The following TBL1XR1 variants were observed in gnomAD, a reference collection of about 807,000 sequenced individuals.
The protein encoded by TBL1XR1 is F-box-like/WD repeat-containing protein TBL1XR1.
Under a neutral mutation model 66.9 loss-of-function variants are expected in TBL1XR1, and 5 were observed. That is an observed-to-expected ratio of 0.07 (90% CI 0.04 to 0.16). The LOEUF (loss-of-function observed/expected upper bound fraction) is 0.16. TBL1XR1 is among the 10% of genes least tolerant of loss of function. The pLI is 1.00. For missense variants in TBL1XR1, 238 were observed against 623.2 expected (o/e 0.38, Z 6.58); for synonymous variants, 210 against 206.0 (o/e 1.02, Z -0.17).
In TBL1XR1 at chr3:177,022,011, G is replaced by C. The variant is rs1462623978; in HGVS notation, c.*3487C>G. ...TAGCAAAAATGCACAGTCCTCTTTAGGCCTCTACTCAATAATAGTTTACAT... is the reference window on the plus strand; with the variant it reads ...TAGCAAAAATGCACAGTCCTCTTTACGCCTCTACTCAATAATAGTTTACAT... On this transcript the variant is annotated 3_prime_UTR_variant, in exon 16 of 16. Coordinates refer to ENST00000457928, the MANE Select transcript of TBL1XR1 (RefSeq NM_024665.7). 2 of 152,362 alleles carry C rather than the reference G, an allele frequency of 1.3e-5. No homozygotes were observed. Among genetic ancestry groups the C allele is most frequent in the African/African-American group, 4.8e-5 (2 of 41,370 alleles). The allele number at this position is 152,362 out of a possible 1,614,324, so 9.4% of individuals were successfully genotyped here. A position where few individuals can be genotyped will look rare whatever the true frequency, so the allele number is the denominator to read the frequency against.
Position 177,022,591 on chromosome 3 carries a change from TATG to T in TBL1XR1, c.*2904_*2906del, listed in dbSNP as rs1712526625. 1 of 152,552 alleles carries T rather than the reference TATG, an allele frequency of 6.6e-6. No individual in the cohort carries two copies. Among genetic ancestry groups the T allele is most frequent in the African/African-American group, 2.4e-5 (1 of 41,438 alleles). 9.4% of individuals were successfully genotyped at this position (152,552 alleles called of 1,614,324 possible). On this transcript the variant is annotated 3_prime_UTR_variant, in exon 16 of 16. Transcript: ENST00000457928. The stretch of plus-strand genomic sequence containing the variant: ...TCAAGTTTTCCTTTCTATTTTTCCT[TATG>T]ATAAGTTTCTTACAGTAGCTTATAC...
chr3:177,125,960 G>T (rs1218391444), intron 1 of TBL1XR1: 1 of 152,126 alleles, frequency 6.6e-6, no homozygotes, highest in African/African-American at 2.4e-5. Flanking sequence ...TACACAGTAG[G>T]TGTATATATT....
At chr3:177,100,612 A>C (rs1724083684) in intron 1 of TBL1XR1, among the ~76,000 whole-genome samples, 1 of 151,968 alleles carries the variant, frequency 6.6e-6, no homozygotes, top group Non-Finnish European at 1.5e-5. Flanking sequence ...TTTAGTAGAG[A>C]CGGGGTTTCA....
chr3:177,071,826 T>A (rs1302392049), intron 2 of TBL1XR1, among the ~76,000 whole-genome samples: 1 of 152,182 alleles, frequency 6.6e-6, no homozygotes, highest in African/African-American at 2.4e-5. Context: ...TTCCAACTTT[T>A]ATTGAAAACT....
chr3:177,171,463 A>C (rs1733485011), intron 1 of TBL1XR1: 1 of 152,202 alleles, frequency 6.6e-6, no homozygotes, highest in Non-Finnish European at 1.5e-5. Context: ...TGGGAGGCCG[A>C]GGCAGGTGGA....
rs138878631 is a variant in TBL1XR1 at position 177,144,153 on chromosome 3, G to A, written c.-121-45612C>T. Among the ~76,000 whole-genome samples the A allele has an allele frequency of 6.9e-3, 1,056 of 152,154 alleles. 15 individuals carry two copies. The highest frequency in any genetic ancestry group is 0.024 in the African/African-American group (1,002 of 41,518). ...CCAGCTACTCAGGAGGCTGGGGCAC[G>A]AAAATCGCTTGAACCCCGGGAGGCG... On this transcript the variant is annotated intron_variant, in intron 1 of 15. Transcript: ENST00000457928.
chr3:177,032,214 T>C (rs1714102231), intron 14 of TBL1XR1: 1 of 152,234 alleles, frequency 6.6e-6, no homozygotes, highest in African/African-American at 2.4e-5. Context: ...GAACAAAGTT[T>C]CTCAGTGTAT....
At chr3:177,181,114 G>T (rs1371674527) in intron 1 of TBL1XR1, among the ~76,000 whole-genome samples, 2 of 152,124 alleles carry the variant, frequency 1.3e-5, no homozygotes, top group African/African-American at 4.8e-5. Flanking sequence ...ACAACTCGGT[G>T]TTGCCATCAC....
At chr3:177,193,843 T>C (rs1410115765) in intron 1 of TBL1XR1, among the ~76,000 whole-genome samples, 2 of 152,240 alleles carry the variant, frequency 1.3e-5, no homozygotes, top group African/African-American at 2.4e-5. Flanking sequence ...GTTTGAATCC[T>C]AGTGTTCATT....
intron 2 of TBL1XR1, among the ~76,000 whole-genome samples, chr3:177,092,094 A>G (rs1441327022): frequency 6.6e-6 from 1 of 152,208 alleles, no homozygotes; most frequent in Non-Finnish European, 1.5e-5. Flanking sequence ...TATCTGCAGT[A>G]TAACGGTTTA....
chr3:177,172,483 T>C (rs1328747570), intron 1 of TBL1XR1, among the ~76,000 whole-genome samples: 1 of 151,842 alleles, frequency 6.6e-6, no homozygotes, highest in Non-Finnish European at 1.5e-5. Flanking sequence ...ATCGGCCAGA[T>C]GCAGTGGCTC....
intron 1 of TBL1XR1, among the ~76,000 whole-genome samples, chr3:177,195,947 A>C (rs1736797318): frequency 6.6e-6 from 1 of 152,196 alleles, no homozygotes; most frequent in African/African-American, 2.4e-5. Context: ...GAGAACACCT[A>C]ATTTTTAACT....
chr3:177,148,737 C>A (rs878937075), intron 1 of TBL1XR1, among the ~76,000 whole-genome samples: 2 of 151,330 alleles, frequency 1.3e-5, no homozygotes, highest in Non-Finnish European at 1.5e-5. Flanking sequence ...TGGCTGGGTG[C>A]GATGGCTCAC....
chr3:177,156,792 A>G (rs781043255), intron 1 of TBL1XR1, among the ~76,000 whole-genome samples: 28 of 152,220 alleles, frequency 1.8e-4, no homozygotes, highest in Non-Finnish European at 4.0e-4. Context: ...TATAGCTCAA[A>G]GCTGGAAGCA....
intron 3 of TBL1XR1, among the ~76,000 whole-genome samples, chr3:177,060,461 A>G (rs899854089): frequency 6.6e-6 from 1 of 152,210 alleles, no homozygotes; most frequent in African/African-American, 2.4e-5. Context: ...TCCAACAGTC[A>G]AGTACAATAT....
chr3:177,069,802 AAGGAAGGAAGGAAGGAAGGAAGG>A (rs1719700625), intron 2 of TBL1XR1, among the ~76,000 whole-genome samples: 1 of 64,856 alleles, frequency 1.5e-5, no homozygotes, highest in Non-Finnish European at 3.2e-5. Context: ...GAAAGGAAGG[AAGGAAGGAAGGAAGGAAGGAAGG>A]AAGGAAGGAA....
intron 1 of TBL1XR1, among the ~76,000 whole-genome samples, chr3:177,152,971 T>C (rs1275080210): frequency 6.6e-6 from 1 of 151,876 alleles, no homozygotes; most frequent in African/African-American, 2.4e-5. Flanking sequence ...TGAGACTCCA[T>C]CTCTACTAAA....
At chr3:177,037,240 G>A (rs1714924817) in intron 12 of TBL1XR1, among the ~76,000 whole-genome samples, 1 of 152,214 alleles carries the variant, frequency 6.6e-6, no homozygotes, top group Non-Finnish European at 1.5e-5. Context: ...TACTTATTAA[G>A]TCAAATCTTT....
At position 177,146,589 on chromosome 3, in the gene TBL1XR1, C is replaced by CAAAAAAAAAAAAAAAAAAAAAAAAAAAAA. The variant is rs78065426; in HGVS notation, c.-121-48049_-121-48048insTTTTTTTTTTTTTTTTTTTTTTTTTTTTT. 2.1e-4 allele frequency among the ~76,000 whole-genome samples: 11 copies of CAAAAAAAAAAAAAAAAAAAAAAAAAAAAA among 51,966 alleles called. 4 individuals are homozygous for CAAAAAAAAAAAAAAAAAAAAAAAAAAAAA. The highest frequency in any genetic ancestry group is 2.6e-4 in the Admixed American group (1 of 3,802). The allele number at this position is 51,966 out of a possible 152,430, so 34.1% of individuals were successfully genotyped here. ...TGGGCAGCTGAGCGAGACTCCATCTCAAAAAAAAAAAAAAAAAAGTTGTAT... is the reference window on the plus strand; with the variant it reads ...TGGGCAGCTGAGCGAGACTCCATCTCAAAAAAAAAAAAAAAAAAAAAAAAAAAAAAAAAAAAAAAAAAAAAAAGTTGTAT... On this transcript the variant is annotated intron_variant, in intron 1 of 15. Transcript: ENST00000457928.
Sources: gnomAD v4.1 joint callset for allele counts (sites outside exome capture counted in the v4.1 genomes callset) on GRCh38, gnomAD v4.1.1 for gene constraint, MANE v1.5 for transcripts, NCBI Gene and HGNC (gene_info 2026-07-23, HGNC 2026-07-21) for gene names.